The following RYK variants were observed in gnomAD, a reference collection of about 807,000 sequenced individuals.
RYK encodes receptor like tyrosine kinase.
A neutral mutation model predicts 70.2 loss-of-function variants in RYK; 21 were observed. The observed-to-expected ratio is 0.30, with a 90% CI of 0.21 to 0.43. RYK has a LOEUF of 0.43. RYK is among the 20% of genes least tolerant of loss of function. The probability of loss-of-function intolerance (pLI) is 1.00; values close to 1 mark genes in which losing one functional copy is unlikely to be tolerated. For missense variants in RYK, 604 were observed against 753.3 expected, an observed-to-expected ratio of 0.80 and a Z score of 2.32; for synonymous variants, 267 against 278.0, an observed-to-expected ratio of 0.96 and a Z score of 0.39.
chr3:134,161,856 T>C (rs2012482265), intron 13 of RYK, among the ~76,000 whole-genome samples: 1 of 151,770 alleles, frequency 6.6e-6, no homozygotes, highest in Admixed American at 6.6e-5. Context: ...TTTCTAGGGC[T>C]ACCATAATAA....
At chr3:134,218,321 T>C (rs1424307972) in intron 2 of RYK, among the ~76,000 whole-genome samples, 1 of 152,206 alleles carries the variant, frequency 6.6e-6, no homozygotes, top group African/African-American at 2.4e-5. Context: ...CTTCTGCAGT[T>C]AGTACCACGT....
At chr3:134,212,697 G>A (rs938545861) in intron 2 of RYK, among the ~76,000 whole-genome samples, 2 of 152,088 alleles carry the variant, frequency 1.3e-5, no homozygotes, top group Admixed American at 6.6e-5. Context: ...AAAAGCTAAC[G>A]AAATGGTACA....
intron 2 of RYK, among the ~76,000 whole-genome samples, chr3:134,216,480 C>T (rs373594943): frequency 6.6e-6 from 1 of 152,008 alleles, no homozygotes; most frequent in East Asian, 1.9e-4. Context: ...GGCAAATTTT[C>T]GCTTTTCAGA....
chr3:134,211,616 T>C lies in RYK; in HGVS notation c.355-9A>G. The C allele has an allele frequency of 6.3e-7, 1 of 1,594,776 alleles. No individual in the cohort carries two copies. Among genetic ancestry groups the C allele is most frequent in the Non-Finnish European group, 8.6e-7 (1 of 1,163,164 alleles). On this transcript the variant is annotated splice_polypyrimidine_tract_variant and intron_variant, in intron 2 of 14. Coordinates refer to ENST00000623711, the MANE Select transcript of RYK (RefSeq NM_002958.4). The stretch of plus-strand genomic sequence containing the variant: ...CCCAGCTTATATTCAACCTGTAAAA[T>C]AGACAAAAATAAACAAAATGGACCT...
At chr3:134,250,281 C>A in intron 1 of RYK, 142 bp downstream of exon 1, 1 of 378,960 alleles carries the variant, frequency 2.6e-6, no homozygotes, top group South Asian at 9.6e-5. Flanking sequence ...CAGGCAGAGA[C>A]CGGGCCGCGA....
chr3:134,237,497 A>G (rs1265325885), intron 1 of RYK, among the ~76,000 whole-genome samples: 4 of 151,834 alleles, frequency 2.6e-5, no homozygotes, highest in African/African-American at 9.7e-5. Flanking sequence ...TTTAAAGAAA[A>G]TGGGTTTTAA....
chr3:134,246,798 A>C (rs1244736652), intron 1 of RYK, among the ~76,000 whole-genome samples: 1 of 152,194 alleles, frequency 6.6e-6, no homozygotes, highest in African/African-American at 2.4e-5. Context: ...AAAATGAAGC[A>C]AACCAAGAAA....
intron 13 of RYK, among the ~76,000 whole-genome samples, chr3:134,174,546 A>G (rs2013030788): frequency 6.6e-6 from 1 of 152,228 alleles, no homozygotes; most frequent in African/African-American, 2.4e-5. Context: ...ATAGGATTTT[A>G]CATATAACAC....
chr3:134,243,460 G>A (rs771513831), intron 1 of RYK, among the ~76,000 whole-genome samples: 1 of 152,070 alleles, frequency 6.6e-6, no homozygotes, highest in Non-Finnish European at 1.5e-5. Context: ...ACCTGACTGC[G>A]CACTCTCCTA....
intron 3 of RYK, 94 bp from the exon 4 acceptor site, chr3:134,209,923 T>C: frequency 9.9e-7 from 1 of 1,011,146 alleles, no homozygotes; most frequent in Non-Finnish European, 1.4e-6. Context: ...GAATTACTTA[T>C]TTTTGCTGCA....
In RYK at chr3:134,157,316, C is replaced by T. The variant is rs2012277933; in HGVS notation, c.*837G>A. On this transcript the variant is annotated 3_prime_UTR_variant, in exon 15 of 15. Transcript: ENST00000623711. Reference sequence around the variant, plus strand: ...AGGTGCAATAAAAGGGAATCTTAACCTTAGAAATATGAGTTCACTTTCTGG... The same window carrying T: ...AGGTGCAATAAAAGGGAATCTTAACTTTAGAAATATGAGTTCACTTTCTGG... 6.6e-6 allele frequency: 1 copy of T among 152,440 alleles called. No homozygotes were observed. The highest frequency in any genetic ancestry group is 6.5e-5 in the Admixed American group (1 of 15,284). The allele number at this position is 152,440 out of a possible 1,614,324, so 9.4% of individuals were successfully genotyped here. A position where few individuals can be genotyped will look rare whatever the true frequency, so the allele number is the denominator to read the frequency against.
At chr3:134,180,237 A>G (rs2013250994) in intron 10 of RYK, 1 of 152,174 alleles carries the variant, frequency 6.6e-6, no homozygotes, top group African/African-American at 2.4e-5. Flanking sequence ...ATAGCGCAAG[A>G]GTACTTTGAT....
At chr3:134,205,198 T>C (rs1560015961) in intron 5 of RYK, among the ~76,000 whole-genome samples, 1 of 152,148 alleles carries the variant, frequency 6.6e-6, no homozygotes, top group Non-Finnish European at 1.5e-5. Flanking sequence ...GTCTACTAAC[T>C]AGGTACCTCA....
chr3:134,159,114 A>G, intron 14 of RYK, 123 bp downstream of exon 14: 1 of 1,052,714 alleles, frequency 9.5e-7, no homozygotes, highest in South Asian at 1.4e-5. Context: ...TCTAATTTAA[A>G]TCCAAAGAGT....
At chr3:134,178,613 T>C (rs1443976111) in intron 10 of RYK, 2 of 117,974 alleles carry the variant, frequency 1.7e-5, no homozygotes, top group East Asian at 5.2e-4. Flanking sequence ...ATTTACCAAT[T>C]ACTATCAGAG....
At chr3:134,234,862 G>A (rs1163903205) in intron 1 of RYK, among the ~76,000 whole-genome samples, 3 of 152,012 alleles carry the variant, frequency 2.0e-5, no homozygotes, top group Non-Finnish European at 1.5e-5. Flanking sequence ...AACCAAAATA[G>A]TAGAAATATG....
intron 2 of RYK, among the ~76,000 whole-genome samples, chr3:134,215,746 A>G (rs1309098674): frequency 6.6e-6 from 1 of 152,180 alleles, no homozygotes. Context: ...ACTTCAGAAA[A>G]GAAACTACAG....
intron 2 of RYK, 65 bp from the exon 3 acceptor site, chr3:134,211,672 CTTCA>C (rs572112306): frequency 3.1e-5 from 33 of 1,064,890 alleles, no homozygotes; most frequent in Non-Finnish European, 4.5e-5. Flanking sequence ...ATCAGCTTGA[CTTCA>C]TTAATTGGCT....
intron 5 of RYK, among the ~76,000 whole-genome samples, chr3:134,204,596 CACA>C (rs1379294728): frequency 9.4e-5 from 8 of 84,694 alleles, no homozygotes; most frequent in East Asian, 1.9e-3. Flanking sequence ...CACAGCCACA[CACA>C]CACACACACA....
Sources: gnomAD v4.1 joint callset for allele counts (sites outside exome capture counted in the v4.1 genomes callset) on GRCh38, gnomAD v4.1.1 for gene constraint, MANE v1.5 for transcripts, NCBI Gene and HGNC (gene_info 2026-07-23, HGNC 2026-07-21) for gene names.